NCKAP5: variants seen among roughly 807,000 people sequenced by gnomAD.
NCKAP5 encodes nck-associated protein 5.
Under a neutral mutation model 167.0 loss-of-function variants are expected in NCKAP5, and 92 were observed. The observed-to-expected ratio is 0.55, with a 90% CI of 0.47 to 0.66. The LOEUF (loss-of-function observed/expected upper bound fraction) is 0.66, where lower values mean the gene tolerates loss of function less well. Ranked by LOEUF, NCKAP5 falls within the 30% of genes least tolerant of loss-of-function variation. The pLI, the probability that NCKAP5 is intolerant of heterozygous loss-of-function variation, is 0.00. For missense variants in NCKAP5, 2,378 were observed against 2,315.0 expected, an observed-to-expected ratio of 1.03 and a Z score of -0.56; for synonymous variants, 891 against 877.4, an observed-to-expected ratio of 1.02 and a Z score of -0.27.
chr2:133,076,345 G>A (rs1435040094), intron 6 of NCKAP5, among the ~76,000 whole-genome samples: 14 of 152,102 alleles, frequency 9.2e-5, no homozygotes, highest in Non-Finnish European at 2.9e-5. Context: ...GAGCATCCAA[G>A]AATTTTGGTA....
At chr2:133,544,503 C>A (rs1422256806) in intron 2 of NCKAP5, among the ~76,000 whole-genome samples, 3 of 152,186 alleles carry the variant, frequency 2.0e-5, no homozygotes, top group Non-Finnish European at 4.4e-5. Context: ...TCACAGAGGT[C>A]TTTCCATGTC....
chr2:133,041,706 C>T (rs2079223477), intron 6 of NCKAP5, among the ~76,000 whole-genome samples: 1 of 152,068 alleles, frequency 6.6e-6, no homozygotes, highest in South Asian at 2.1e-4. Context: ...ATACACACCT[C>T]AGGAAAGAAT....
intron 8 of NCKAP5, among the ~76,000 whole-genome samples, chr2:132,958,781 T>A (rs2076416251): frequency 6.6e-6 from 1 of 152,106 alleles, no homozygotes; most frequent in African/African-American, 2.4e-5. Context: ...ATTTTTTATA[T>A]TACACACAAA....
the NCKAP5 span, among the ~76,000 whole-genome samples, chr2:133,625,107 T>A: frequency 5.3e-5 from 8 of 152,226 alleles, no homozygotes; most frequent in African/African-American, 1.9e-4. Flanking sequence ...ATTACATGGT[T>A]GCTATTCTGA....
At chr2:132,962,777 G>T (rs972717775) in intron 8 of NCKAP5, among the ~76,000 whole-genome samples, 1 of 152,080 alleles carries the variant, frequency 6.6e-6, no homozygotes, top group Non-Finnish European at 1.5e-5. Flanking sequence ...ATTTTTAGTA[G>T]AGACGGGGTT....
intron 3 of NCKAP5, among the ~76,000 whole-genome samples, chr2:133,492,370 GTGTT>G (rs1681543613): frequency 2.6e-5 from 4 of 152,338 alleles, no homozygotes; most frequent in South Asian, 4.1e-4. Flanking sequence ...TATGAAGACA[GTGTT>G]TGGGAACAGG....
At chr2:132,825,695 C>G (rs1393703022) in intron 11 of NCKAP5, among the ~76,000 whole-genome samples, 4 of 152,166 alleles carry the variant, frequency 2.6e-5, no homozygotes, top group African/African-American at 9.7e-5. Flanking sequence ...TGCTCACGCT[C>G]CATTTTAACT....
intron 16 of NCKAP5, among the ~76,000 whole-genome samples, chr2:132,762,953 T>C (rs1166127609): frequency 1.3e-5 from 2 of 152,210 alleles, no homozygotes; most frequent in African/African-American, 4.8e-5. Flanking sequence ...CTTTTTTTGG[T>C]AGGGAGTCCT....
the NCKAP5 span, among the ~76,000 whole-genome samples, chr2:133,672,790 G>A: frequency 0.033 from 4,967 of 152,266 alleles, 223 homozygotes; most frequent in East Asian, 0.18. Flanking sequence ...GTCAACCCCT[G>A]TTCTAGGCCA....
chr2:133,456,315 G>T (rs1691857278), intron 3 of NCKAP5, among the ~76,000 whole-genome samples: 1 of 152,186 alleles, frequency 6.6e-6, no homozygotes, highest in Non-Finnish European at 1.5e-5. Context: ...TTGCCATCGT[G>T]TGGGCTTTCA....
chr2:133,026,658 T>C (rs1264591142), intron 6 of NCKAP5, among the ~76,000 whole-genome samples: 1 of 152,174 alleles, frequency 6.6e-6, no homozygotes, highest in Non-Finnish European at 1.5e-5. Flanking sequence ...AAGGAGAGCT[T>C]GGATCAGAGA....
chr2:133,643,654 A>G, the NCKAP5 span, among the ~76,000 whole-genome samples: 35,907 of 152,058 alleles, frequency 0.24, 4,480 homozygotes, highest in East Asian at 0.32. Context: ...TCCATTTTCC[A>G]TTTAACTCCA....
At chr2:132,988,348 G>A (rs1301253870) in intron 7 of NCKAP5, among the ~76,000 whole-genome samples, 1 of 151,590 alleles carries the variant, frequency 6.6e-6, no homozygotes, top group East Asian at 1.9e-4. Flanking sequence ...TGTAGGCCCA[G>A]CTACTTGGGA....
chr2:133,480,685 A>C (rs1357209369), intron 3 of NCKAP5, among the ~76,000 whole-genome samples: 1 of 152,184 alleles, frequency 6.6e-6, no homozygotes, highest in African/African-American at 2.4e-5. Context: ...TGGCTGATTC[A>C]ACAATGCACC....
chr2:133,119,337 A>G lies in NCKAP5; in HGVS notation c.341+10641T>C, dbSNP rs748298909. Among the ~76,000 whole-genome samples the G allele has an allele frequency of 1.2e-4, 19 of 152,166 alleles. No homozygotes were observed. The Middle Eastern group carries it at 0.01, about 82-fold the overall frequency. On this transcript the variant is annotated intron_variant, in intron 6 of 19. Transcript: ENST00000409261. ...CTTTTAATTTGCTATAATTGTATCT[A>G]TCCCACTGGCTCAAGAGTCTCTTAG... is the stretch of plus-strand genomic sequence containing the variant.
At chr2:132,856,371 C>T (rs572810102) in intron 11 of NCKAP5, among the ~76,000 whole-genome samples, 1 of 151,510 alleles carries the variant, frequency 6.6e-6, no homozygotes, top group South Asian at 2.1e-4. Context: ...TGTAAAAGCC[C>T]TCTCATCTTA....
chr2:132,829,392 T>A (rs935521765), intron 11 of NCKAP5, among the ~76,000 whole-genome samples: 37 of 152,182 alleles, frequency 2.4e-4, no homozygotes, highest in African/African-American at 8.7e-4. Flanking sequence ...AAGTGGTAGC[T>A]GTTGTTATTA....
intron 4 of NCKAP5, among the ~76,000 whole-genome samples, chr2:133,286,162 A>T (rs1559352139): frequency 6.6e-6 from 1 of 151,628 alleles, no homozygotes; most frequent in Non-Finnish European, 1.5e-5. Context: ...TGCCAGGCTA[A>T]TTTTTTTTGT....
intron 3 of NCKAP5, among the ~76,000 whole-genome samples, chr2:133,376,223 A>G (rs1686133858): frequency 6.6e-6 from 1 of 152,232 alleles, no homozygotes; most frequent in Admixed American, 6.5e-5. Context: ...CAAACCTAAC[A>G]AAATTAATAC....
Sources: gnomAD v4.1 joint callset for allele counts (sites outside exome capture counted in the v4.1 genomes callset) on GRCh38, gnomAD v4.1.1 for gene constraint, MANE v1.5 for transcripts, NCBI Gene and HGNC (gene_info 2026-07-23, HGNC 2026-07-21) for gene names.